Variants in CGNL1 observed in about 807,000 individuals in gnomAD.
CGNL1 encodes cingulin like 1.
A neutral mutation model predicts 141.2 loss-of-function variants in CGNL1; 132 were observed. That is an observed-to-expected ratio of 0.93 (90% CI 0.81 to 1.08). The LOEUF is 1.08. Among genes scored for constraint, CGNL1 ranks in the 50% least tolerant of loss-of-function variants. The probability of loss-of-function intolerance (pLI) is 0.00; values close to 1 mark genes in which losing one functional copy is unlikely to be tolerated. For missense variants in CGNL1, 1,870 were observed against 1,588.6 expected (o/e 1.18, Z -3.01); for synonymous variants, 690 against 622.1 (o/e 1.11, Z -1.63).
rs374717535 is a variant in CGNL1 at position 57,441,011 on chromosome 15, T to A, written c.1697+540T>A. ...ACTTAGATACTAACTGTGCTGGAAC[T>A]TGAGCAAGGAATTTGAGGTTTCTGT... is the stretch of plus-strand genomic sequence containing the variant. On this transcript the variant is annotated intron_variant, in intron 3 of 18. Coordinates refer to ENST00000281282, the MANE Select transcript of CGNL1 (RefSeq NM_032866.5). Among the ~76,000 whole-genome samples, 5 of 150,670 alleles carry A rather than the reference T, an allele frequency of 3.3e-5. No individual in the cohort carries two copies. The East Asian group carries it at 9.8e-4, about 30-fold the overall frequency.
At chr15:57,481,367 C>A (rs1455503241) in intron 8 of CGNL1, among the ~76,000 whole-genome samples, 1 of 152,134 alleles carries the variant, frequency 6.6e-6, no homozygotes, top group Non-Finnish European at 1.5e-5. Context: ...CTCCTTGACC[C>A]AACTAGTGTA....
intron 8 of CGNL1, among the ~76,000 whole-genome samples, chr15:57,500,078 G>A (rs988692556): frequency 1.4e-4 from 21 of 152,216 alleles, no homozygotes; most frequent in African/African-American, 5.1e-4. Flanking sequence ...CTTTCTAGCA[G>A]TGACTGGATG....
intron 8 of CGNL1, among the ~76,000 whole-genome samples, chr15:57,503,371 C>A (rs1383062388): frequency 1.3e-5 from 2 of 152,168 alleles, no homozygotes; most frequent in Admixed American, 1.3e-4. Context: ...GGTCAGAGTA[C>A]CCTGCCAGAT....
intron 7 of CGNL1, among the ~76,000 whole-genome samples, chr15:57,458,004 T>C (rs1207938139): frequency 6.6e-6 from 1 of 152,204 alleles, no homozygotes; most frequent in Non-Finnish European, 1.5e-5. Flanking sequence ...TTCTTGACTC[T>C]ACTGCTTATA....
intron 2 of CGNL1, among the ~76,000 whole-genome samples, chr15:57,439,979 GTGAC>G (rs1255930093): frequency 8.5e-5 from 13 of 152,144 alleles, no homozygotes; most frequent in African/African-American, 3.1e-4. Flanking sequence ...ATAAAATTGA[GTGAC>G]TGGGTTAATT....
intron 1 of CGNL1, among the ~76,000 whole-genome samples, chr15:57,420,335 C>T (rs117808350): frequency 0.015 from 2,268 of 152,238 alleles, 24 homozygotes; most frequent in Non-Finnish European, 0.024. Context: ...TGTACACTAG[C>T]CTGTGTATAT....
chr15:57,459,662 G>A (rs905561125), intron 7 of CGNL1, among the ~76,000 whole-genome samples: 28 of 152,160 alleles, frequency 1.8e-4, no homozygotes, highest in African/African-American at 5.8e-4. Flanking sequence ...CAGGAGGTGA[G>A]GAGGGCTTTA....
intron 8 of CGNL1, among the ~76,000 whole-genome samples, chr15:57,488,757 T>C (rs1183232770): frequency 6.6e-6 from 1 of 152,162 alleles, no homozygotes; most frequent in Non-Finnish European, 1.5e-5. Context: ...CTTAAGAACA[T>C]GGGTGATATT....
chr15:57,516,721 G>C, intron 8 of CGNL1, 59 bp from the exon 9 acceptor site: 1 of 1,551,184 alleles, frequency 6.4e-7, no homozygotes, highest in Middle Eastern at 2.0e-4. Context: ...CATTCTTCCA[G>C]CCTGGGGACA....
rs772533510 is a variant in CGNL1, at chr15:57,452,334, T to C, written c.2054+45T>C. On this transcript the variant is annotated intron_variant, in intron 6 of 18. Coordinates refer to ENST00000281282, the MANE Select transcript of CGNL1 (RefSeq NM_032866.5). ...CCTGTTGCCCTTCCCAGGTTCTCTA[T>C]GACATGTAGCTAGAAACTTTCTGTC... 6 of 1,572,500 alleles carry C rather than the reference T, an allele frequency of 3.8e-6. No individual in the cohort carries two copies. In the South Asian group the frequency reaches 5.9e-5, roughly 15 times the overall value.
At chr15:57,523,697 G>A in intron 11 of CGNL1, 56 bp downstream of exon 11, 1 of 1,594,176 alleles carries the variant, frequency 6.3e-7, no homozygotes, top group Non-Finnish European at 8.6e-7. Flanking sequence ...GTTGGACCCA[G>A]TCCCCTCTGA....
intron 10 of CGNL1, among the ~76,000 whole-genome samples, chr15:57,520,501 T>C (rs984282302): frequency 6.6e-6 from 1 of 152,236 alleles, no homozygotes; most frequent in Non-Finnish European, 1.5e-5. Context: ...AGTTAAAAAG[T>C]AGCAGAGGGG....
At chr15:57,450,504 T>C (rs1451439499) in intron 4 of CGNL1, among the ~76,000 whole-genome samples, 1 of 152,252 alleles carries the variant, frequency 6.6e-6, no homozygotes, top group Non-Finnish European at 1.5e-5. Flanking sequence ...CTCAGACTCC[T>C]GACCTCAGGT....
At chr15:57,436,636 G>T (rs373846345) in intron 1 of CGNL1, among the ~76,000 whole-genome samples, 3 of 151,954 alleles carry the variant, frequency 2.0e-5, no homozygotes, top group African/African-American at 7.3e-5. Context: ...AACAAGTAAA[G>T]CGTCCAAGTC....
Position 57,523,469 on chromosome 15 carries a change from C to G in CGNL1, c.2716-20C>G. The G allele has an allele frequency of 6.2e-7, 1 of 1,613,608 alleles. No homozygotes were observed. Among genetic ancestry groups the G allele is most frequent in the Non-Finnish European group, 8.5e-7 (1 of 1,179,778 alleles). ...CCTGGTTAGTAGGTGACAGCACTGT[C>G]CTTTCCCTGCCATTTGCAGGGAAAT... On this transcript the variant is annotated intron_variant, in intron 10 of 18. Coordinates refer to ENST00000281282, the MANE Select transcript of CGNL1 (RefSeq NM_032866.5).
intron 8 of CGNL1, among the ~76,000 whole-genome samples, chr15:57,482,122 T>C (rs1358776755): frequency 5.3e-5 from 8 of 152,202 alleles, no homozygotes; most frequent in Non-Finnish European, 7.4e-5. Context: ...GTTTGTTTTT[T>C]TTTTAAACTG....
chr15:57,434,640 C>A (rs1438515015), intron 1 of CGNL1, among the ~76,000 whole-genome samples: 1 of 152,024 alleles, frequency 6.6e-6, no homozygotes. Context: ...TTAAGGGGAA[C>A]GTAAACAGGT....
intron 10 of CGNL1, 106 bp downstream of exon 10, chr15:57,518,603 C>T (rs1567166097): frequency 9.5e-6 from 7 of 738,694 alleles, no homozygotes; most frequent in Non-Finnish European, 1.2e-5. Flanking sequence ...TTCCATGTAG[C>T]TCCCTTTCAC....
chr15:57,409,037 T>TCACACACACACACACACA lies in CGNL1; in HGVS notation c.-15-28929_-15-28912dup, dbSNP rs59988268. Among the ~76,000 whole-genome samples, 490 of 141,810 alleles carry TCACACACACACACACACA rather than the reference T, an allele frequency of 3.5e-3. 4 individuals carry two copies. Among genetic ancestry groups the TCACACACACACACACACA allele is most frequent in the East Asian group, 9.8e-3 (45 of 4,592 alleles). 93.0% of individuals were successfully genotyped at this position (141,810 alleles called of 152,430 possible). On this transcript the variant is annotated intron_variant, in intron 1 of 18. Coordinates refer to ENST00000281282, the MANE Select transcript of CGNL1 (RefSeq NM_032866.5). ...GCCTGGGTGAGACAGTGAGACTCTG[T>TCACACACACACACACACA]CACACACACACACACACACACACAC...
Sources: allele counts gnomAD v4.1 joint callset (sites outside exome capture counted in the v4.1 genomes callset), GRCh38; gene constraint gnomAD v4.1.1; transcripts MANE v1.5; gene names NCBI Gene and HGNC (gene_info 2026-07-23, HGNC 2026-07-21).